The following ATP8A2 variants were observed in gnomAD, a reference collection of about 807,000 sequenced individuals.
ATP8A2 encodes the protein ATPase phospholipid transporting 8A2.
In ATP8A2, 100 loss-of-function variants were observed where a neutral mutation model predicts 165.6. The ratio of observed to expected loss-of-function variants is 0.60; its 90% CI spans 0.51 to 0.71. ATP8A2 has a LOEUF of 0.71. Ranked by LOEUF, ATP8A2 falls within the 30% of genes least tolerant of loss-of-function variation. ATP8A2 has a pLI of 0.00. For synonymous variants in ATP8A2, 543 were observed against 548.8 expected, an observed-to-expected ratio of 0.99 and a Z score of 0.15; for missense variants, 1,227 against 1,479.5, an observed-to-expected ratio of 0.83 and a Z score of 2.80.
intron 2 of ATP8A2, among the ~76,000 whole-genome samples, chr13:25,493,004 T>G (rs959516774): frequency 3.3e-5 from 5 of 152,222 alleles, no homozygotes; most frequent in Non-Finnish European, 7.4e-5. Context: ...GGCTCCAAAA[T>G]TCATTTGTTT....
intron 2 of ATP8A2, among the ~76,000 whole-genome samples, chr13:25,490,405 G>C (rs1469309148): frequency 6.6e-6 from 1 of 152,188 alleles, no homozygotes; most frequent in African/African-American, 2.4e-5. Flanking sequence ...GCCTGAAGCT[G>C]CTGTCCTCCA....
chr13:25,405,271 A>C (rs1019569801), intron 1 of ATP8A2, among the ~76,000 whole-genome samples: 2 of 152,116 alleles, frequency 1.3e-5, no homozygotes, highest in Admixed American at 1.3e-4. Context: ...CTTCAAGGGG[A>C]GGGATGGGAA....
chr13:25,854,413 G>A (rs1381264956), intron 30 of ATP8A2, among the ~76,000 whole-genome samples: 2 of 152,160 alleles, frequency 1.3e-5, no homozygotes, highest in Non-Finnish European at 2.9e-5. Context: ...ATAGCTCACT[G>A]CAGCTTCAAC....
intron 1 of ATP8A2, among the ~76,000 whole-genome samples, chr13:25,430,386 G>A (rs1439700342): frequency 6.6e-6 from 1 of 152,186 alleles, no homozygotes; most frequent in Non-Finnish European, 1.5e-5. Flanking sequence ...GCAAGAATGG[G>A]GGATGCCAAA....
intron 12 of ATP8A2, among the ~76,000 whole-genome samples, chr13:25,554,356 G>T (rs775553039): frequency 4.3e-4 from 65 of 152,244 alleles, no homozygotes; most frequent in Non-Finnish European, 7.2e-4. Flanking sequence ...CTTAAGTAGT[G>T]GACTTTAGCA....
rs180779188 is a variant in ATP8A2 at position 25,742,730 on chromosome 13, G to C, written c.2385-26316G>C. Among the ~76,000 whole-genome samples the C allele has an allele frequency of 2.6e-3, 378 of 147,540 alleles. 2 individuals carry two copies. Among genetic ancestry groups the C allele is most frequent in the African/African-American group, 9.0e-3 (356 of 39,662 alleles). On this transcript the variant is annotated intron_variant, in intron 25 of 36. Coordinates refer to ENST00000381655, the MANE Select transcript of ATP8A2 (RefSeq NM_016529.6). ...ATCTTTTGGATCACTTGTTCTGAAG[G>C]ATATGAGCTGGGAACTCATGACCAG...
At chr13:25,484,301 T>G (rs1428009516) in intron 2 of ATP8A2, among the ~76,000 whole-genome samples, 1 of 151,980 alleles carries the variant, frequency 6.6e-6, no homozygotes, top group African/African-American at 2.4e-5. Flanking sequence ...ATGACTAGAG[T>G]TGTATTGAAT....
chr13:25,889,245 C>CAT (rs200723564), intron 33 of ATP8A2, among the ~76,000 whole-genome samples: 6,276 of 109,820 alleles, frequency 0.057, 253 homozygotes, highest in Middle Eastern at 0.088. Context: ...CATCCTTTGT[C>CAT]ATATATATAT....
intron 2 of ATP8A2, among the ~76,000 whole-genome samples, chr13:25,525,717 G>T (rs541881290): frequency 6.6e-6 from 1 of 151,988 alleles, no homozygotes; most frequent in East Asian, 1.9e-4. Flanking sequence ...CTTCTTTTCT[G>T]TTGCTACTTT....
chr13:26,004,060 A>G (rs535871077), intron 35 of ATP8A2, among the ~76,000 whole-genome samples: 1 of 152,254 alleles, frequency 6.6e-6, no homozygotes, highest in East Asian at 1.9e-4. Context: ...GTGAAAAATG[A>G]CATTGCCATT....
At chr13:25,480,285 C>A (rs1311142052) in intron 2 of ATP8A2, among the ~76,000 whole-genome samples, 1 of 148,014 alleles carries the variant, frequency 6.8e-6, no homozygotes, top group Non-Finnish European at 1.5e-5. Context: ...GGCGGCTGGC[C>A]GGGCGGGGGG....
intron 24 of ATP8A2, among the ~76,000 whole-genome samples, chr13:25,601,621 A>G (rs2040389585): frequency 6.6e-6 from 1 of 152,118 alleles, no homozygotes; most frequent in African/African-American, 2.4e-5. Context: ...CGCTACAGGC[A>G]TGCACCACCA....
chr13:25,569,935 T>C lies in ATP8A2; in HGVS notation c.1474-832T>C, dbSNP rs566299267. Among the ~76,000 whole-genome samples the C allele has an allele frequency of 3.3e-5, 5 of 152,300 alleles. No individual in the cohort carries two copies. The South Asian group carries it at 1.0e-3, about 32-fold the overall frequency. On this transcript the variant is annotated intron_variant, in intron 16 of 36. Coordinates refer to ENST00000381655, the MANE Select transcript of ATP8A2 (RefSeq NM_016529.6). ...TAAAATAATTAATAGACGTGCCAGG[T>C]CTTATATTTAGAATATTTAGAAGCT...
intron 1 of ATP8A2, among the ~76,000 whole-genome samples, chr13:25,415,582 A>G (rs1174210302): frequency 1.3e-5 from 2 of 152,142 alleles, no homozygotes; most frequent in African/African-American, 4.8e-5. Flanking sequence ...AACAGGGTAA[A>G]TGCTCTATGT....
At chr13:25,798,543 A>G (rs1296433038) in intron 27 of ATP8A2, among the ~76,000 whole-genome samples, 1 of 152,198 alleles carries the variant, frequency 6.6e-6, no homozygotes, top group Non-Finnish European at 1.5e-5. Flanking sequence ...CCCATCCTCA[A>G]TAGATAAAAA....
chr13:25,670,779 G>A (rs1330388159), intron 24 of ATP8A2, among the ~76,000 whole-genome samples: 2 of 152,134 alleles, frequency 1.3e-5, no homozygotes, highest in East Asian at 3.9e-4. Flanking sequence ...GTGCTCATTT[G>A]CACAGTTTAG....
chr13:25,578,807 T>C lies in ATP8A2; in HGVS notation c.1783-8T>C. 1.3e-6 allele frequency: 2 copies of C among 1,510,768 alleles called. No individual in the cohort carries two copies. The highest frequency in any genetic ancestry group is 1.1e-5 in the South Asian group (1 of 88,992). 93.6% of individuals were successfully genotyped at this position (1,510,768 alleles called of 1,614,324 possible). A position where few individuals can be genotyped will look rare whatever the true frequency, so the allele number is the denominator to read the frequency against. On this transcript the variant is annotated splice_polypyrimidine_tract_variant and splice_region_variant and intron_variant, in intron 20 of 36. Coordinates refer to ENST00000381655, the MANE Select transcript of ATP8A2 (RefSeq NM_016529.6). ...CTTTGCCAGTCACAATGTTTCCCTA[T>C]TTTATAGGATAATGTGATTTTTGAG...
intron 27 of ATP8A2, among the ~76,000 whole-genome samples, chr13:25,813,623 G>T (rs550752147): frequency 6.8e-6 from 1 of 146,900 alleles, no homozygotes; most frequent in Non-Finnish European, 1.5e-5. Flanking sequence ...ATGGAATCTT[G>T]TGGAGGTGGG....
At chr13:25,417,316 G>C (rs183228204) in intron 1 of ATP8A2, among the ~76,000 whole-genome samples, 45 of 152,188 alleles carry the variant, frequency 3.0e-4, no homozygotes, top group South Asian at 6.2e-4. Flanking sequence ...AGGAATGTTT[G>C]CTCTTATTTT....
Sources: gnomAD v4.1 joint callset for allele counts (sites outside exome capture counted in the v4.1 genomes callset) on GRCh38, gnomAD v4.1.1 for gene constraint, MANE v1.5 for transcripts, NCBI Gene and HGNC (gene_info 2026-07-23, HGNC 2026-07-21) for gene names.